Variants in RBFOX1 observed in about 807,000 individuals in gnomAD.
RBFOX1 encodes the protein RNA binding protein fox-1 homolog 1.
RBFOX1 carries 8 observed loss-of-function variants against 57.7 expected under a neutral mutation model. The observed-to-expected ratio is 0.14, with a 90% CI of 0.08 to 0.25. The LOEUF (loss-of-function observed/expected upper bound fraction) is 0.25, where lower values mean the gene tolerates loss of function less well. RBFOX1 is among the 10% of genes least tolerant of loss of function. RBFOX1 has a pLI of 1.00. For missense variants in RBFOX1, 611 were observed against 548.5 expected (o/e 1.11, Z -1.14); for synonymous variants, 326 against 222.4 (o/e 1.47, Z -4.15).
intron 1 of RBFOX1, among the ~76,000 whole-genome samples, chr16:6,164,706 G>A (rs1008970110): frequency 1.3e-5 from 2 of 151,834 alleles, no homozygotes; most frequent in African/African-American, 4.8e-5. Flanking sequence ...TCGAATTTCT[G>A]ACCTCTGGTG....
chr16:6,569,857 T>G (rs1427085791), intron 2 of RBFOX1, among the ~76,000 whole-genome samples: 1 of 152,242 alleles, frequency 6.6e-6, no homozygotes, highest in African/African-American at 2.4e-5. Context: ...ATTTATATCT[T>G]TTGAAATCCA....
intron 3 of RBFOX1, among the ~76,000 whole-genome samples, chr16:6,686,831 A>T (rs1238171214): frequency 6.6e-6 from 1 of 152,190 alleles, no homozygotes; most frequent in East Asian, 1.9e-4. Flanking sequence ...CTTTTTAAAC[A>T]TTCTCTGCAT....
intron 3 of RBFOX1, among the ~76,000 whole-genome samples, chr16:6,839,342 A>T (rs1297197872): frequency 6.6e-6 from 1 of 152,122 alleles, no homozygotes; most frequent in Non-Finnish European, 1.5e-5. Flanking sequence ...CTCTACTATT[A>T]ACCCCACTGA....
At chr16:6,152,786 C>G (rs17803651) in intron 1 of RBFOX1, among the ~76,000 whole-genome samples, 5,074 of 152,228 alleles carry the variant, frequency 0.033, 122 homozygotes, top group Non-Finnish European at 0.051. Context: ...CAGAGAGCTC[C>G]TGTTCCTGAA....
chr16:6,181,079 G>A (rs902006466), intron 1 of RBFOX1, among the ~76,000 whole-genome samples: 3 of 152,044 alleles, frequency 2.0e-5, no homozygotes, highest in Admixed American at 1.3e-4. Context: ...TGGTTCCTTT[G>A]GTATCACCTC....
intron 3 of RBFOX1, among the ~76,000 whole-genome samples, chr16:6,899,119 ATGCATATG>A (rs1463952663): frequency 2.7e-5 from 4 of 150,790 alleles, no homozygotes; most frequent in African/African-American, 9.9e-5. Context: ...ATACGTGTTT[ATGCATATG>A]TGTATATGTG....
intron 4 of RBFOX1, among the ~76,000 whole-genome samples, chr16:5,881,189 A>C (rs954455034): frequency 3.9e-5 from 6 of 152,168 alleles, no homozygotes; most frequent in African/African-American, 1.4e-4. Flanking sequence ...AATCCTCTCC[A>C]TCTTGGCCCT....
intron 3 of RBFOX1, among the ~76,000 whole-genome samples, chr16:5,853,601 A>G (rs944422565): frequency 1.3e-5 from 2 of 152,178 alleles, no homozygotes; most frequent in African/African-American, 4.8e-5. Context: ...CTTTCCTTGG[A>G]TGAATGATGG....
intron 5 of RBFOX1, among the ~76,000 whole-genome samples, chr16:7,552,585 C>G (rs941320668): frequency 2.0e-5 from 3 of 152,172 alleles, no homozygotes; most frequent in African/African-American, 4.8e-5. Context: ...GCGGCAGAAG[C>G]AAAAACAAGA....
chr16:7,238,085 C>G (rs576030184), intron 4 of RBFOX1, among the ~76,000 whole-genome samples: 19 of 152,258 alleles, frequency 1.2e-4, no homozygotes, highest in African/African-American at 4.3e-4. Flanking sequence ...GAGCTTGTCA[C>G]AAAAGAACAA....
In RBFOX1 at chr16:6,176,887, C is replaced by T. The variant is rs112375947; in HGVS notation, c.-126-140108C>T. 6.9e-3 allele frequency among the ~76,000 whole-genome samples: 1,056 copies of T among 152,224 alleles called. 9 individuals carry two copies. The highest frequency in any genetic ancestry group is 0.025 in the African/African-American group (1,020 of 41,538). On this transcript the variant is annotated intron_variant, in intron 1 of 15. Coordinates refer to ENST00000550418, the MANE Select transcript of RBFOX1 (RefSeq NM_018723.4). Reference sequence around the variant, plus strand: ...AAGCATTCATGGAGGCTGTGATTGCCGTGAGAACAGGTCAAAAACTGTTTT... The same window carrying T: ...AAGCATTCATGGAGGCTGTGATTGCTGTGAGAACAGGTCAAAAACTGTTTT...
At chr16:6,277,811 A>G (rs553047228) in intron 1 of RBFOX1, among the ~76,000 whole-genome samples, 1 of 152,174 alleles carries the variant, frequency 6.6e-6, no homozygotes, top group South Asian at 2.1e-4. Flanking sequence ...TGCTAGAGAC[A>G]TACAAGATTC....
chr16:7,134,423 G>C (rs576107510), intron 4 of RBFOX1, among the ~76,000 whole-genome samples: 1 of 152,150 alleles, frequency 6.6e-6, no homozygotes. Context: ...AGGCATTGAG[G>C]ATGTGATGCA....
chr16:5,567,494 C>G (rs554913309), intron 2 of RBFOX1, among the ~76,000 whole-genome samples: 1 of 152,248 alleles, frequency 6.6e-6, no homozygotes, highest in East Asian at 1.9e-4. Context: ...GGGTCACCAC[C>G]TGCCCCTGGT....
At chr16:6,601,185 A>G (rs2097848516) in intron 2 of RBFOX1, among the ~76,000 whole-genome samples, 1 of 152,174 alleles carries the variant, frequency 6.6e-6, no homozygotes, top group South Asian at 2.1e-4. Context: ...CCAACTTAGT[A>G]CTTGTTTTTT....
At chr16:7,510,582 G>C (rs1413334451) in intron 4 of RBFOX1, among the ~76,000 whole-genome samples, 6 of 152,142 alleles carry the variant, frequency 3.9e-5, no homozygotes, top group Non-Finnish European at 8.8e-5. Flanking sequence ...AGAACCAGCA[G>C]GTTAATGGTG....
At chr16:6,373,608 G>T (rs1302906763) in intron 2 of RBFOX1, among the ~76,000 whole-genome samples, 1 of 151,822 alleles carries the variant, frequency 6.6e-6, no homozygotes, top group African/African-American at 2.4e-5. Flanking sequence ...TGAGAGGATG[G>T]TTGGCAAAAT....
intron 4 of RBFOX1, among the ~76,000 whole-genome samples, chr16:7,082,546 A>G (rs1313538163): frequency 6.6e-6 from 1 of 151,510 alleles, no homozygotes; most frequent in Non-Finnish European, 1.5e-5. Context: ...TGGGTGACAG[A>G]GTGAGACCAT....
At chr16:6,762,762 G>A (rs180931707) in intron 3 of RBFOX1, among the ~76,000 whole-genome samples, 81 of 151,316 alleles carry the variant, frequency 5.4e-4, no homozygotes, top group African/African-American at 1.9e-3. Flanking sequence ...CTTACCCCAA[G>A]GGGATAGGGG....
Sources: allele counts gnomAD v4.1 joint callset (sites outside exome capture counted in the v4.1 genomes callset), GRCh38; gene constraint gnomAD v4.1.1; transcripts MANE v1.5; gene names NCBI Gene and HGNC (gene_info 2026-07-23, HGNC 2026-07-21).